The following SDK2 variants were observed in gnomAD, a reference collection of about 807,000 sequenced individuals.
SDK2 encodes protein sidekick-2.
SDK2 carries 105 observed loss-of-function variants against 253.9 expected under a neutral mutation model. The ratio of observed to expected loss-of-function variants is 0.41; its 90% CI spans 0.35 to 0.49. SDK2 has a LOEUF of 0.49. SDK2 is among the 20% of genes least tolerant of loss of function. The probability of loss-of-function intolerance (pLI) is 0.06; values close to 1 mark genes in which losing one functional copy is unlikely to be tolerated. For synonymous variants in SDK2, 1,249 were observed against 1,234.9 expected (o/e 1.01, Z -0.24); for missense variants, 2,608 against 3,003.0 (o/e 0.87, Z 3.07).
chr17:73,493,910 C>T (rs551001155), intron 2 of SDK2, among the ~76,000 whole-genome samples: 266 of 152,338 alleles, frequency 1.7e-3, no homozygotes, highest in African/African-American at 6.2e-3. Flanking sequence ...GTCCCACCTA[C>T]AGCTCTCTGT....
intron 2 of SDK2, among the ~76,000 whole-genome samples, chr17:73,476,327 C>T (rs1232874040): frequency 6.6e-6 from 1 of 152,168 alleles, no homozygotes; most frequent in Admixed American, 6.5e-5. Context: ...ACAATTTTTT[C>T]AAGACGGATA....
At chr17:73,523,680 T>C (rs1402127769) in intron 1 of SDK2, among the ~76,000 whole-genome samples, 1 of 152,054 alleles carries the variant, frequency 6.6e-6, no homozygotes, top group East Asian at 1.9e-4. Flanking sequence ...CCTACTGGCC[T>C]CCAGAACTGC....
In SDK2 at chr17:73,431,685, G is replaced by A. The variant is rs1392389259; in HGVS notation, c.1313-16C>T. On this transcript the variant is annotated splice_polypyrimidine_tract_variant and intron_variant, in intron 10 of 44. Coordinates refer to ENST00000392650, the MANE Select transcript of SDK2 (RefSeq NM_001144952.2). The surrounding 1 kb of genome is among the most constrained non-coding windows in gnomAD (Gnocchi z 5.6). ...ATGCGCTCCCCTGAGGGCAAAACAG[G>A]GTGGGGGTCAGCCTGTAGCCCCCAA... is the stretch of plus-strand genomic sequence containing the variant. The A allele has an allele frequency of 6.3e-7, 1 of 1,592,042 alleles. No homozygotes were observed.
intron 3 of SDK2, among the ~76,000 whole-genome samples, chr17:73,459,167 A>C (rs1447216776): frequency 6.6e-6 from 1 of 152,078 alleles, no homozygotes; most frequent in African/African-American, 2.4e-5. Flanking sequence ...GTCATTTACC[A>C]AGGTCCCTCT....
At chr17:73,454,737 T>C (rs940642025) in intron 4 of SDK2, among the ~76,000 whole-genome samples, 30 of 151,652 alleles carry the variant, frequency 2.0e-4, no homozygotes, top group Admixed American at 1.2e-3. Flanking sequence ...TGGTTTTGTC[T>C]GGAGGCTGGA....
intron 10 of SDK2, among the ~76,000 whole-genome samples, chr17:73,432,197 C>T (rs1165394571): frequency 2.0e-5 from 3 of 152,060 alleles, no homozygotes; most frequent in Admixed American, 2.0e-4. Flanking sequence ...CTGGTCAGGA[C>T]AGACCTCCTT....
At chr17:73,359,782 A>G (rs974109272) in intron 39 of SDK2, among the ~76,000 whole-genome samples, 2 of 152,128 alleles carry the variant, frequency 1.3e-5, no homozygotes, top group African/African-American at 4.8e-5. Context: ...AGTAGCTGGG[A>G]CTTCAGGTAT....
At chr17:73,364,994 T>C (rs987105908) in intron 38 of SDK2, among the ~76,000 whole-genome samples, 3 of 152,132 alleles carry the variant, frequency 2.0e-5, no homozygotes, top group Non-Finnish European at 4.4e-5. Context: ...CTGTTTCCGT[T>C]GACCAAAGGG....
intron 2 of SDK2, among the ~76,000 whole-genome samples, chr17:73,499,114 C>T (rs999940955): frequency 6.6e-6 from 1 of 152,240 alleles, no homozygotes; most frequent in Non-Finnish European, 1.5e-5. Context: ...CTCTGCCTCC[C>T]CATCTCTGCT....
chr17:73,430,694 A>T, intron 11 of SDK2, 81 bp from the exon 12 acceptor site: 1 of 927,812 alleles, frequency 1.1e-6, no homozygotes. Flanking sequence ...ACCATATGAA[A>T]GCCCCCAAAT....
chr17:73,338,966 G>A lies in SDK2; in HGVS notation c.6166-26C>T, dbSNP rs199639702. ...CTGGGAGGACAGAGAATCAGGGTGT[G>A]TCAGTGGCCCCGTAGGGACAGGCCA... On this transcript the variant is annotated intron_variant, in intron 44 of 44. Transcript: ENST00000392650. This position sits in a 1 kb window ranked among gnomAD's most constrained non-coding sequence, Gnocchi z 5.0. 840 of 1,601,510 alleles carry A rather than the reference G, an allele frequency of 5.2e-4. 2 individuals carry two copies. In the African/African-American group the frequency reaches 0.01, roughly 20 times the overall value.
intron 12 of SDK2, among the ~76,000 whole-genome samples, chr17:73,426,945 C>T (rs757566201): frequency 2.0e-5 from 3 of 151,938 alleles, no homozygotes; most frequent in Non-Finnish European, 2.9e-5. Context: ...ATTAGCCAGG[C>T]GTGGTGGCGG....
In SDK2 at chr17:73,369,343, C is replaced by A. The variant is rs114491216; in HGVS notation, c.4981-750G>T. 2,013 of 272,660 alleles carry A rather than the reference C, an allele frequency of 7.4e-3. 47 individuals carry two copies. Among genetic ancestry groups the A allele is most frequent in the African/African-American group, 0.042 (1,913 of 46,000 alleles). The allele number at this position is 272,660 out of a possible 1,614,324, so 16.9% of individuals were successfully genotyped here. ...GGGATGCAGAGTCTCAGGGCCACCC[C>A]GGGCCCGCTGCACCAGCAGCTGCTG... On this transcript the variant is annotated intron_variant, in intron 36 of 44. Coordinates refer to ENST00000392650, the MANE Select transcript of SDK2 (RefSeq NM_001144952.2).
rs143427962 is a variant in SDK2, at chr17:73,418,122, C to T, written c.2186+1044G>A. Reference sequence around the variant, plus strand: ...TCCTGGGTTCAAGTGATTCTCCTGCCTCAGCCTCCTGAGTAGCTGGGACTA... The same window carrying T: ...TCCTGGGTTCAAGTGATTCTCCTGCTTCAGCCTCCTGAGTAGCTGGGACTA... On this transcript the variant is annotated intron_variant, in intron 16 of 44. Coordinates refer to ENST00000392650, the MANE Select transcript of SDK2 (RefSeq NM_001144952.2). Among the ~76,000 whole-genome samples the T allele has an allele frequency of 5.5e-3, 827 of 151,682 alleles. 9 individuals are homozygous for T. The highest frequency in any genetic ancestry group is 0.019 in the African/African-American group (779 of 41,354).
chr17:73,560,609 G>A (rs1445764572), intron 1 of SDK2, among the ~76,000 whole-genome samples: 1 of 152,232 alleles, frequency 6.6e-6, no homozygotes, highest in Non-Finnish European at 1.5e-5. Context: ...CAAAGTGCTG[G>A]GATTACAGGC....
chr17:73,596,756 CCT>C (rs574650710), intron 1 of SDK2, among the ~76,000 whole-genome samples: 63 of 152,300 alleles, frequency 4.1e-4, no homozygotes, highest in African/African-American at 1.4e-3. Flanking sequence ...GATCTTGTGG[CCT>C]CTCCAGCTCT....
At chr17:73,573,844 C>T (rs2045420662) in intron 1 of SDK2, among the ~76,000 whole-genome samples, 1 of 152,244 alleles carries the variant, frequency 6.6e-6, no homozygotes, top group African/African-American at 2.4e-5. Context: ...TGGATGGGCC[C>T]CTGGCTCTCC....
At chr17:73,396,515 C>T (rs1168136488) in intron 24 of SDK2, among the ~76,000 whole-genome samples, 6 of 152,188 alleles carry the variant, frequency 3.9e-5, no homozygotes, top group East Asian at 1.9e-4. Flanking sequence ...GCTCACTACA[C>T]GCTTCCTCCC....
chr17:73,539,310 G>A (rs935547499), intron 1 of SDK2, among the ~76,000 whole-genome samples: 8 of 152,168 alleles, frequency 5.3e-5, no homozygotes, highest in African/African-American at 9.7e-5. Flanking sequence ...GAAATCATTC[G>A]TCTGTCATCA....
Sources: allele counts gnomAD v4.1 joint callset (sites outside exome capture counted in the v4.1 genomes callset), GRCh38; gene constraint gnomAD v4.1.1; non-coding constraint Gnocchi (gnomAD v3.1); transcripts MANE v1.5; gene names NCBI Gene and HGNC (gene_info 2026-07-23, HGNC 2026-07-21).